The following KCNQ5 variants were observed in gnomAD, a reference collection of about 807,000 sequenced individuals.
KCNQ5 encodes the protein potassium voltage-gated channel subfamily KQT member 5.
In KCNQ5, 30 loss-of-function variants were observed where a neutral mutation model predicts 98.2. The ratio of observed to expected loss-of-function variants is 0.31; its 90% CI spans 0.23 to 0.41. The LOEUF is 0.41. Ranked by LOEUF, KCNQ5 falls within the 10% of genes least tolerant of loss-of-function variation. The pLI is 1.00. For missense variants in KCNQ5, 835 were observed against 1,182.5 expected, an observed-to-expected ratio of 0.71 and a Z score of 4.31; for synonymous variants, 458 against 449.4, an observed-to-expected ratio of 1.02 and a Z score of -0.24.
chr6:72,828,536 T>C (rs1776102314), intron 1 of KCNQ5, among the ~76,000 whole-genome samples: 1 of 152,112 alleles, frequency 6.6e-6, no homozygotes, highest in Admixed American at 6.6e-5. Context: ...TTCATTCATG[T>C]ACAGAAATGC....
intron 3 of KCNQ5, among the ~76,000 whole-genome samples, chr6:73,050,918 G>A (rs150732262): frequency 6.6e-6 from 1 of 152,220 alleles, no homozygotes; most frequent in African/African-American, 2.4e-5. Flanking sequence ...GTGCATTCCT[G>A]TTTATTGCTT....
At chr6:72,797,708 T>C (rs145240026) in intron 1 of KCNQ5, among the ~76,000 whole-genome samples, 8 of 152,218 alleles carry the variant, frequency 5.3e-5, no homozygotes, top group South Asian at 2.1e-4. Flanking sequence ...TTTTATAGAA[T>C]AGTGGCTTAG....
Position 73,192,708 on chromosome 6 carries a change from C to T in KCNQ5, c.1836+17C>T, listed in dbSNP as rs1765637202. ...GAAAAACAGGTACAACTCAACTACG[C>T]TGGGTATCTTTTTAGCCAGAATTTT... On this transcript the variant is annotated intron_variant, in intron 13 of 13. Transcript: ENST00000370398. 6.5e-7 allele frequency: 1 copy of T among 1,539,568 alleles called. No individual in the cohort carries two copies. The highest frequency in any genetic ancestry group is 8.7e-7 in the Non-Finnish European group (1 of 1,144,530).
At chr6:72,670,771 T>C (rs1414177968) in intron 1 of KCNQ5, among the ~76,000 whole-genome samples, 1 of 152,102 alleles carries the variant, frequency 6.6e-6, no homozygotes, top group Non-Finnish European at 1.5e-5. Flanking sequence ...TATAAGGACA[T>C]GAATCTTATA....
At chr6:72,623,450 G>A (rs1274229859) in intron 1 of KCNQ5, among the ~76,000 whole-genome samples, 1 of 144,568 alleles carries the variant, frequency 6.9e-6, no homozygotes, top group Non-Finnish European at 1.5e-5. Context: ...CCATCTAGCA[G>A]AGAATGCTTA....
At chr6:72,650,828 C>T (rs541477667) in intron 1 of KCNQ5, among the ~76,000 whole-genome samples, 1 of 152,070 alleles carries the variant, frequency 6.6e-6, no homozygotes, top group South Asian at 2.1e-4. Flanking sequence ...AAAGGGAGAA[C>T]ACTCAGGAAA....
At chr6:72,869,959 T>C (rs1445849023) in intron 1 of KCNQ5, among the ~76,000 whole-genome samples, 1 of 152,222 alleles carries the variant, frequency 6.6e-6, no homozygotes, top group Non-Finnish European at 1.5e-5. Context: ...CTTTAAGGCA[T>C]ATCAAAATAT....
At chr6:73,127,894 C>A (rs1213718827) in intron 9 of KCNQ5, among the ~76,000 whole-genome samples, 1 of 152,048 alleles carries the variant, frequency 6.6e-6, no homozygotes, top group Non-Finnish European at 1.5e-5. Flanking sequence ...GTGAAACCCC[C>A]TCTATTTTAA....
chr6:72,671,182 C>T (rs907516213), intron 1 of KCNQ5, among the ~76,000 whole-genome samples: 2 of 152,152 alleles, frequency 1.3e-5, no homozygotes, highest in African/African-American at 4.8e-5. Context: ...TCTTTTGGAG[C>T]TCTCAGATTT....
At position 72,713,842 on chromosome 6, in the gene KCNQ5, G is replaced by A. The variant is rs148308417; in HGVS notation, c.398+91255G>A. On this transcript the variant is annotated intron_variant, in intron 1 of 13. Transcript: ENST00000370398. Reference sequence around the variant, plus strand: ...AGATGATATTCCCAGACCTTTAAGTGCAGACTCTCTTGCCTTTCTAGCTTC... The same window carrying A: ...AGATGATATTCCCAGACCTTTAAGTACAGACTCTCTTGCCTTTCTAGCTTC... 9.4e-3 allele frequency among the ~76,000 whole-genome samples: 1,436 copies of A among 152,218 alleles called. 13 individuals carry two copies. The highest frequency in any genetic ancestry group is 0.02 in the East Asian group (104 of 5,178).
chr6:73,160,274 C>A (rs1299435605), intron 10 of KCNQ5, among the ~76,000 whole-genome samples: 1 of 152,162 alleles, frequency 6.6e-6, no homozygotes, highest in Non-Finnish European at 1.5e-5. Context: ...CCTCGGGCCC[C>A]CAAAGTGCTG....
intron 3 of KCNQ5, among the ~76,000 whole-genome samples, chr6:73,075,345 T>C (rs1282533898): frequency 6.6e-6 from 1 of 151,766 alleles, no homozygotes; most frequent in Non-Finnish European, 1.5e-5. Context: ...GCCTCAGCCT[T>C]CCAAGTAGCT....
At chr6:73,095,500 G>A (rs1774444031) in intron 5 of KCNQ5, among the ~76,000 whole-genome samples, 1 of 152,198 alleles carries the variant, frequency 6.6e-6, no homozygotes, top group South Asian at 2.1e-4. Context: ...AAAGAACTTT[G>A]TTTTGTCATA....
In KCNQ5 at chr6:73,153,377, G is replaced by A. The variant is rs373655233; in HGVS notation, c.1469-16369G>A. Among the ~76,000 whole-genome samples, 9 of 152,000 alleles carry A rather than the reference G, an allele frequency of 5.9e-5. No individual in the cohort carries two copies. The South Asian group carries it at 1.9e-3, about 32-fold the overall frequency. On this transcript the variant is annotated intron_variant, in intron 10 of 13. Transcript: ENST00000370398. ...AGTTTTAGTGGGTTTTTCAAAATGA[G>A]CAAGATTAGCTGTATATGTTCAATC...
intron 1 of KCNQ5, among the ~76,000 whole-genome samples, chr6:72,661,132 TATAG>T (rs1766503112): frequency 6.6e-6 from 1 of 152,034 alleles, no homozygotes. Flanking sequence ...TTTATATATA[TATAG>T]ATATTTAACC....
intron 1 of KCNQ5, among the ~76,000 whole-genome samples, chr6:72,641,326 CATTT>C (rs1048595930): frequency 1.3e-5 from 2 of 152,074 alleles, no homozygotes; most frequent in Admixed American, 6.6e-5. Flanking sequence ...CACAAAAATA[CATTT>C]ATTATTTCAC....
chr6:72,743,395 A>G (rs2154476263), intron 1 of KCNQ5, among the ~76,000 whole-genome samples: 1 of 152,126 alleles, frequency 6.6e-6, no homozygotes, highest in South Asian at 2.1e-4. Context: ...ATTTTAATAG[A>G]TTTAAGCTAA....
chr6:72,799,207 C>T (rs565662146), intron 1 of KCNQ5, among the ~76,000 whole-genome samples: 2 of 152,146 alleles, frequency 1.3e-5, no homozygotes, highest in Non-Finnish European at 2.9e-5. Context: ...GAAACTCAGG[C>T]AGGAGCTGAT....
chr6:72,769,472 T>C (rs879643667), intron 1 of KCNQ5, among the ~76,000 whole-genome samples: 3 of 152,048 alleles, frequency 2.0e-5, no homozygotes, highest in African/African-American at 7.2e-5. Context: ...AATATCGATG[T>C]CTAAGCTCCA....
Sources: gnomAD v4.1 joint callset for allele counts (sites outside exome capture counted in the v4.1 genomes callset) on GRCh38, gnomAD v4.1.1 for gene constraint, MANE v1.5 for transcripts, NCBI Gene and HGNC (gene_info 2026-07-23, HGNC 2026-07-21) for gene names.